NLRC3: variants seen among roughly 807,000 people sequenced by gnomAD.
The protein encoded by NLRC3 is NLR family CARD domain-containing protein 3.
In NLRC3, 87 loss-of-function variants were observed where a neutral mutation model predicts 91.6. The ratio of observed to expected loss-of-function variants is 0.95; its 90% confidence interval spans 0.80 to 1.14. The LOEUF (loss-of-function observed/expected upper bound fraction) is 1.14, where lower values mean the gene tolerates loss of function less well. NLRC3 is among the 50% of genes most tolerant of loss of function. NLRC3 has a pLI of 0.00. For synonymous variants in NLRC3, 694 were observed against 625.3 expected (o/e 1.11, Z -1.64); for missense variants, 1,577 against 1,418.6 (o/e 1.11, Z -1.79).
At chr16:3,547,440 C>CAGGGGTTCTTTTT (rs1346565013) in intron 15 of NLRC3, among the ~76,000 whole-genome samples, 2,660 of 152,024 alleles carry the variant, frequency 0.017, 75 homozygotes, top group African/African-American at 0.057. Context: ...TGAGTGCTAA[C>CAGGGGTTCTTTTT]GGGGTGATGG....
intron 6 of NLRC3, among the ~76,000 whole-genome samples, chr16:3,560,501 C>T (rs1261209537): frequency 6.6e-6 from 1 of 152,174 alleles, no homozygotes. Context: ...CAGCCACCCT[C>T]AGAGGATCAG....
At chr16:3,556,313 C>CTTGGAA (rs1567136191) in intron 8 of NLRC3, among the ~76,000 whole-genome samples, 1 of 42,172 alleles carries the variant, frequency 2.4e-5, no homozygotes, top group African/African-American at 1.0e-4. Flanking sequence ...AGAAAGAATC[C>CTTGGAA]GTCTCAAAAA....
At position 3,557,676 on chromosome 16, in the gene NLRC3, GC is replaced by G; in HGVS notation, c.2016-1del. 1 of 1,610,528 alleles carries G rather than the reference GC, an allele frequency of 6.2e-7. No individual in the cohort carries two copies. Among genetic ancestry groups the G allele is most frequent in the Non-Finnish European group, 8.5e-7 (1 of 1,177,088 alleles). On this transcript the variant is annotated splice_acceptor_variant, in intron 6 of 19. Transcript: ENST00000359128. LOFTEE classifies it high-confidence loss of function. ...TGTTACTGATCTGGTTCTCCGCCAA[GC>G]TGCCCAAGGAAAGGGAGAGGAGTGG...
chr16:3,576,820 A>G (rs1208134254), intron 1 of NLRC3, among the ~76,000 whole-genome samples: 11 of 151,908 alleles, frequency 7.2e-5, no homozygotes, highest in African/African-American at 2.4e-4. Context: ...GCGTCTGCCA[A>G]CATGCCTGGC....
At chr16:3,553,364 T>C (rs944876659) in intron 9 of NLRC3, among the ~76,000 whole-genome samples, 1 of 152,254 alleles carries the variant, frequency 6.6e-6, no homozygotes, top group African/African-American at 2.4e-5. Context: ...CCTCCTTCCC[T>C]GCCTTCGGGA....
At chr16:3,543,980 C>G (rs2038548831) in intron 16 of NLRC3, 2 of 434,776 alleles carry the variant, frequency 4.6e-6, no homozygotes, top group Admixed American at 7.5e-5. Flanking sequence ...ATGGTGAAAC[C>G]CCGTCTCTAC....
At chr16:3,544,521 CTG>C (rs2151081124) in intron 15 of NLRC3, 192 bp from the exon 16 acceptor site, 2 of 581,954 alleles carry the variant, frequency 3.4e-6, no homozygotes, top group Non-Finnish European at 6.2e-6. Context: ...ACAGAGGCGT[CTG>C]GGGCCTGCAT....
At position 3,539,756 on chromosome 16, in the gene NLRC3, T is replaced by C. The variant is rs1304977333; in HGVS notation, c.*2069A>G. ...CCCCCTTTTACAAATAATGTTTTGT[T>C]TTATTTCCCAGCTACTACAAGTGAT... On this transcript the variant is annotated 3_prime_UTR_variant, in exon 20 of 20. Transcript: ENST00000359128. 2.0e-5 allele frequency: 3 copies of C among 152,236 alleles called. No individual in the cohort carries two copies. The highest frequency in any genetic ancestry group is 4.8e-5 in the African/African-American group (2 of 41,470). The allele number at this position is 152,236 out of a possible 1,614,324, so 9.4% of individuals were successfully genotyped here.
At chr16:3,547,493 A>G (rs969135976) in intron 15 of NLRC3, among the ~76,000 whole-genome samples, 1 of 152,178 alleles carries the variant, frequency 6.6e-6, no homozygotes, top group African/African-American at 2.4e-5. Context: ...CACCGAATAC[A>G]CTAGAAACCA....
chr16:3,564,787 T>C lies in NLRC3; in HGVS notation c.179-29A>G. 1 of 1,565,416 alleles carries C rather than the reference T, an allele frequency of 6.4e-7. No homozygotes were observed. ...CGGGACAGAGGCCAGTGGGGAGGTC[T>C]GGTAAGGGAAGAGTGGGCACAATCA... On this transcript the variant is annotated intron_variant, in intron 4 of 19. Coordinates refer to ENST00000359128, the MANE Select transcript of NLRC3 (RefSeq NM_178844.4). This position sits in a 1 kb window ranked among gnomAD's most constrained non-coding sequence, Gnocchi z 5.9.
At chr16:3,558,662 A>G (rs1351865399) in intron 6 of NLRC3, among the ~76,000 whole-genome samples, 2 of 151,990 alleles carry the variant, frequency 1.3e-5, no homozygotes, top group Non-Finnish European at 2.9e-5. Flanking sequence ...GATCAACTCA[A>G]TGTTACTTCA....
At chr16:3,565,508 G>GCCA in intron 2 of NLRC3, 128 bp from the exon 3 acceptor site, 1 of 343,310 alleles carries the variant, frequency 2.9e-6, no homozygotes, top group South Asian at 2.2e-5. Context: ...GGCAGCAGCA[G>GCCA]CCACTCTGGG....
chr16:3,567,764 T>TC (rs1206982269), intron 1 of NLRC3, among the ~76,000 whole-genome samples: 121 of 61,674 alleles, frequency 2.0e-3, no homozygotes, highest in Non-Finnish European at 2.1e-3. Flanking sequence ...AGAGCGAGAC[T>TC]CCATCTCAAA....
At chr16:3,542,835 C>T in intron 17 of NLRC3, 60 bp from the exon 18 acceptor site, 1 of 1,210,208 alleles carries the variant, frequency 8.3e-7, no homozygotes, top group Non-Finnish European at 1.2e-6. Context: ...ATACTGACCC[C>T]TCTGCGGGTG....
rs1242153588 is a variant in NLRC3 at position 3,542,781 on chromosome 16, G to C, written c.2940-6C>G. The C allele has an allele frequency of 1.3e-6, 2 of 1,594,974 alleles. No individual in the cohort carries two copies. Among genetic ancestry groups the C allele is most frequent in the Non-Finnish European group, 8.6e-7 (1 of 1,168,444 alleles). On this transcript the variant is annotated splice_polypyrimidine_tract_variant and splice_region_variant and intron_variant, in intron 17 of 19. Coordinates refer to ENST00000359128, the MANE Select transcript of NLRC3 (RefSeq NM_178844.4). Reference sequence around the variant, plus strand: ...CAATGGCATTTCCTCTTAAGCTGTTGGGAAAGACAGGAAGCCTAAGGCATG... The same window carrying C: ...CAATGGCATTTCCTCTTAAGCTGTTCGGAAAGACAGGAAGCCTAAGGCATG...
At position 3,564,210 on chromosome 16, in the gene NLRC3, T is replaced by C. The variant is rs1202440406; in HGVS notation, c.727A>G (p.Ile243Val). The C allele has an allele frequency of 1.2e-6, 2 of 1,613,364 alleles. No homozygotes were observed. The highest frequency in any genetic ancestry group is 2.2e-5 in the South Asian group (2 of 91,062). ...TVACTDPKKEIPVDHLITNII... is the reference protein window; with the variant it reads ...TVACTDPKKEVPVDHLITNII... ...TTGGTGATCAGGTGGTCCACCGGGA[T>C]CTCCTTCTTTGGGTCCGTGCAGGCC... Residue 243 changes from isoleucine (I) to valine (V), a missense_variant, in exon 5 of 20, where the codon ATC becomes GTC. Transcript: ENST00000359128. The surrounding 1 kb of genome is among the most constrained non-coding windows in gnomAD (Gnocchi z 5.9).
chr16:3,557,962 C>T (rs972482398), intron 6 of NLRC3, among the ~76,000 whole-genome samples: 1 of 152,130 alleles, frequency 6.6e-6, no homozygotes, highest in Non-Finnish European at 1.5e-5. Context: ...AACAGCACAG[C>T]AAAGAAAATG....
chr16:3,554,225 G>A lies in NLRC3; in HGVS notation c.2267+17C>T. 6.3e-7 allele frequency: 1 copy of A among 1,577,214 alleles called. No individual in the cohort carries two copies. Among genetic ancestry groups the A allele is most frequent in the Non-Finnish European group, 8.7e-7 (1 of 1,146,332 alleles). On this transcript the variant is annotated intron_variant, in intron 9 of 19. Transcript: ENST00000359128. ...GAGAAGGGAGAGAAGGGGGAGAGAGGAGATGTGTTCACTCACTGCAGCATG... is the reference window on the plus strand; with the variant it reads ...GAGAAGGGAGAGAAGGGGGAGAGAGAAGATGTGTTCACTCACTGCAGCATG...
At position 3,543,533 on chromosome 16, in the gene NLRC3, T is replaced by C. The variant is rs145345559; in HGVS notation, c.2856-25A>G. 3.4e-4 allele frequency: 535 copies of C among 1,580,352 alleles called. 4 individuals carry two copies. In the East Asian group the frequency reaches 6.8e-3, roughly 20 times the overall value. Reference sequence around the variant, plus strand: ...ACTGGGGCGGAGAGGGTGCCGTCAGTGTGAGCCGGCTGGGCCCACCTCCCT... The same window carrying C: ...ACTGGGGCGGAGAGGGTGCCGTCAGCGTGAGCCGGCTGGGCCCACCTCCCT... On this transcript the variant is annotated intron_variant, in intron 16 of 19. Transcript: ENST00000359128.
Sources: gnomAD v4.1 joint callset for allele counts (sites outside exome capture counted in the v4.1 genomes callset) on GRCh38, gnomAD v4.1.1 for gene constraint, Gnocchi (gnomAD v3.1) non-coding constraint, MANE v1.5 for transcripts, NCBI Gene and HGNC (gene_info 2026-07-23, HGNC 2026-07-21) for gene names.